PTPRD: variants seen among roughly 807,000 people sequenced by gnomAD.
PTPRD encodes the protein protein tyrosine phosphatase receptor type D.
A neutral mutation model predicts 214.5 loss-of-function variants in PTPRD; 34 were observed. The ratio of observed to expected loss-of-function variants is 0.16; its 90% CI spans 0.12 to 0.21. The LOEUF (loss-of-function observed/expected upper bound fraction) is 0.21, where lower values mean the gene tolerates loss of function less well. Ranked by LOEUF, PTPRD falls within the 10% of genes least tolerant of loss-of-function variation. The pLI, the probability that PTPRD is intolerant of heterozygous loss-of-function variation, is 1.00. For missense variants in PTPRD, 2,545 were observed against 2,398.7 expected (o/e 1.06, Z -1.27); for synonymous variants, 1,128 against 845.7 (o/e 1.33, Z -5.79).
rs151261604 is a variant in PTPRD at position 9,437,711 on chromosome 9, T to C, written c.-236-40229A>G. On this transcript the variant is annotated intron_variant, in intron 8 of 45. Coordinates refer to ENST00000381196, the MANE Select transcript of PTPRD (RefSeq NM_002839.4). ...TCTCTTATAACTTGTGGTGTATCCA[T>C]GGTGGTATATCTAGAGCAGTGTGAT... 3.0e-3 allele frequency among the ~76,000 whole-genome samples: 458 copies of C among 152,238 alleles called. 3 individuals carry two copies. Among genetic ancestry groups the C allele is most frequent in the Middle Eastern group, 6.8e-3 (2 of 292 alleles).
At chr9:9,221,612 T>C (rs867633006) in intron 9 of PTPRD, among the ~76,000 whole-genome samples, 1 of 152,008 alleles carries the variant, frequency 6.6e-6, no homozygotes, top group African/African-American at 2.4e-5. Flanking sequence ...CTCTCTAGTG[T>C]ATATTTTCAT....
At chr9:8,928,985 C>G (rs1400682899) in intron 11 of PTPRD, among the ~76,000 whole-genome samples, 1 of 151,932 alleles carries the variant, frequency 6.6e-6, no homozygotes, top group East Asian at 1.9e-4. Context: ...TGATTTGACT[C>G]TCTGTCTATT....
At position 10,403,239 on chromosome 9, in the gene PTPRD, T is replaced by TATATAC. The variant is rs1406258700; in HGVS notation, c.-599-62223_-599-62222insGTATAT. Among the ~76,000 whole-genome samples the TATATAC allele has an allele frequency of 1.8e-4, 22 of 124,458 alleles. No homozygotes were observed. The East Asian group carries it at 5.6e-3, about 32-fold the overall frequency. 81.6% of individuals were successfully genotyped at this position (124,458 alleles called of 152,430 possible). The stretch of plus-strand genomic sequence containing the variant: ...GTGTGTGTGTGTAAATATATATATA[T>TATATAC]ATATATATATATATATATATGAAAA... On this transcript the variant is annotated intron_variant, in intron 2 of 45. Coordinates refer to ENST00000381196, the MANE Select transcript of PTPRD (RefSeq NM_002839.4).
At chr9:10,359,617 T>C (rs2097339467) in intron 2 of PTPRD, among the ~76,000 whole-genome samples, 1 of 152,104 alleles carries the variant, frequency 6.6e-6, no homozygotes, top group Non-Finnish European at 1.5e-5. Flanking sequence ...ACTGGCAGTG[T>C]AATGGGTTGA....
chr9:9,619,033 A>C (rs887857530), intron 7 of PTPRD, among the ~76,000 whole-genome samples: 6 of 152,184 alleles, frequency 3.9e-5, no homozygotes, highest in African/African-American at 1.4e-4. Flanking sequence ...GAAAACAAGA[A>C]AAAGAATAAA....
Position 9,655,500 on chromosome 9 carries a change from C to T in PTPRD, c.-287+79033G>A, listed in dbSNP as rs572853495. Among the ~76,000 whole-genome samples, 10 of 151,912 alleles carry T rather than the reference C, an allele frequency of 6.6e-5. No homozygotes were observed. In the South Asian group the frequency reaches 1.5e-3, roughly 22 times the overall value. On this transcript the variant is annotated intron_variant, in intron 7 of 45. Coordinates refer to ENST00000381196, the MANE Select transcript of PTPRD (RefSeq NM_002839.4). Reference sequence around the variant, plus strand: ...AGGAGAATTGCTTGAACCCAGGAGGCAGAGGTTGCAGTGAGCCGAAATTGC... The same window carrying T: ...AGGAGAATTGCTTGAACCCAGGAGGTAGAGGTTGCAGTGAGCCGAAATTGC...
intron 11 of PTPRD, among the ~76,000 whole-genome samples, chr9:8,791,724 T>A (rs1246693390): frequency 6.6e-6 from 1 of 151,700 alleles, no homozygotes; most frequent in Non-Finnish European, 1.5e-5. Flanking sequence ...GAAAGGAACG[T>A]GAGATGACTG....
At chr9:9,512,870 G>GA (rs34170938) in intron 8 of PTPRD, among the ~76,000 whole-genome samples, 90,250 of 145,688 alleles carry the variant, frequency 0.62, 27,674 homozygotes, top group East Asian at 0.77. Flanking sequence ...CTATGGTGAT[G>GA]AAAAAAAAAA....
intron 11 of PTPRD, among the ~76,000 whole-genome samples, chr9:8,735,773 G>GT (rs1030345552): frequency 1.3e-5 from 2 of 151,948 alleles, no homozygotes; most frequent in Non-Finnish European, 2.9e-5. Flanking sequence ...TTAGCCAGGC[G>GT]TGGTGGTGCA....
chr9:8,782,425 G>A (rs1402503467), intron 11 of PTPRD, among the ~76,000 whole-genome samples: 1 of 151,914 alleles, frequency 6.6e-6, no homozygotes, highest in African/African-American at 2.4e-5. Flanking sequence ...ACCATGTTGT[G>A]CAATACATCT....
rs971615057 is a variant in PTPRD, at chr9:9,831,968, G to C, written c.-367-65117C>G. ...CTCATTAAGTGGCATTTCAATGTCAGACATTACTGGGTATGCCATAGAATA... is the reference window on the plus strand; with the variant it reads ...CTCATTAAGTGGCATTTCAATGTCACACATTACTGGGTATGCCATAGAATA... On this transcript the variant is annotated intron_variant, in intron 5 of 45. Coordinates refer to ENST00000381196, the MANE Select transcript of PTPRD (RefSeq NM_002839.4). 2.0e-4 allele frequency among the ~76,000 whole-genome samples: 31 copies of C among 151,972 alleles called. 1 individual carries two copies. The highest frequency in any genetic ancestry group is 7.0e-4 in the African/African-American group (29 of 41,414).
intron 10 of PTPRD, among the ~76,000 whole-genome samples, chr9:9,060,887 A>G (rs897629170): frequency 2.0e-5 from 3 of 152,340 alleles, no homozygotes; most frequent in Admixed American, 6.5e-5. Flanking sequence ...GAATAGTCCT[A>G]TGATAGAATC....
At chr9:9,344,318 G>A (rs1224111936) in intron 9 of PTPRD, among the ~76,000 whole-genome samples, 1 of 151,898 alleles carries the variant, frequency 6.6e-6, no homozygotes, top group Non-Finnish European at 1.5e-5. Flanking sequence ...ACACACTGAG[G>A]CCTGTCGGGG....
intron 8 of PTPRD, among the ~76,000 whole-genome samples, chr9:9,557,980 C>A (rs1350918097): frequency 1.3e-5 from 2 of 152,204 alleles, no homozygotes; most frequent in Admixed American, 6.5e-5. Context: ...GCTGCTTGAG[C>A]CAGCAGCCTG....
intron 7 of PTPRD, among the ~76,000 whole-genome samples, chr9:9,699,673 C>T (rs1161388772): frequency 6.6e-6 from 1 of 152,148 alleles, no homozygotes; most frequent in Non-Finnish European, 1.5e-5. Flanking sequence ...AACAGCAGGG[C>T]TTCTATTTGC....
intron 8 of PTPRD, among the ~76,000 whole-genome samples, chr9:9,517,528 A>G (rs1371722542): frequency 6.6e-6 from 1 of 152,092 alleles, no homozygotes; most frequent in Non-Finnish European, 1.5e-5. Flanking sequence ...ACTAATAAAT[A>G]AACAGTTAAT....
chr9:10,146,974 T>C (rs2099027184), intron 3 of PTPRD, among the ~76,000 whole-genome samples: 1 of 151,866 alleles, frequency 6.6e-6, no homozygotes, highest in African/African-American at 2.4e-5. Context: ...GACATGTAGG[T>C]GGCGACTTCA....
intron 2 of PTPRD, among the ~76,000 whole-genome samples, chr9:10,569,422 A>T (rs1566982566): frequency 6.6e-6 from 1 of 151,992 alleles, no homozygotes; most frequent in Non-Finnish European, 1.5e-5. Context: ...GAATTTTTAA[A>T]TTATTATTTT....
At chr9:9,613,071 T>C (rs1485999008) in intron 7 of PTPRD, among the ~76,000 whole-genome samples, 2 of 131,584 alleles carry the variant, frequency 1.5e-5, no homozygotes, top group Admixed American at 7.9e-5. Context: ...CAAAGTCTCA[T>C]GATGCTGATG....
Sources: allele counts gnomAD v4.1 joint callset (sites outside exome capture counted in the v4.1 genomes callset), GRCh38; gene constraint gnomAD v4.1.1; transcripts MANE v1.5; gene names NCBI Gene and HGNC (gene_info 2026-07-23, HGNC 2026-07-21).